MDGA2: variants seen among roughly 807,000 people sequenced by gnomAD.
MDGA2 encodes the protein MAM domain-containing glycosylphosphatidylinositol anchor protein 2.
In MDGA2, 40 loss-of-function variants were observed where a neutral mutation model predicts 117.8. The observed-to-expected ratio is 0.34, with a 90% confidence interval of 0.26 to 0.44. The LOEUF (loss-of-function observed/expected upper bound fraction) is 0.44. MDGA2 is among the 20% of genes least tolerant of loss of function. The pLI is 1.00. For missense variants in MDGA2, 1,123 were observed against 1,250.6 expected (o/e 0.90, Z 1.54); for synonymous variants, 452 against 439.0 (o/e 1.03, Z -0.37).
At chr14:47,191,335 T>C (rs55928353) in intron 3 of MDGA2, among the ~76,000 whole-genome samples, 9,570 of 150,688 alleles carry the variant, frequency 0.064, 363 homozygotes, top group Non-Finnish European at 0.066. Context: ...TTTTCTTTCA[T>C]TTTAAGAAAG....
chr14:47,236,310 A>C (rs991983687), intron 2 of MDGA2, among the ~76,000 whole-genome samples: 30 of 151,480 alleles, frequency 2.0e-4, no homozygotes, highest in Non-Finnish European at 2.8e-4. Flanking sequence ...AAAAAAAAAA[A>C]AAACAACACT....
chr14:46,864,047 C>A (rs1383092496), intron 14 of MDGA2, among the ~76,000 whole-genome samples: 1 of 151,206 alleles, frequency 6.6e-6, no homozygotes, highest in East Asian at 2.0e-4. Context: ...GTATATCTCC[C>A]GATGCTATCC....
At chr14:47,363,973 G>C (rs1891179257) in intron 1 of MDGA2, among the ~76,000 whole-genome samples, 1 of 152,116 alleles carries the variant, frequency 6.6e-6, no homozygotes, top group Admixed American at 6.5e-5. Flanking sequence ...GTTCATAAAT[G>C]TATAGATAGT....
intron 7 of MDGA2, among the ~76,000 whole-genome samples, chr14:47,049,632 A>G (rs1889385194): frequency 6.6e-6 from 1 of 151,940 alleles, no homozygotes; most frequent in South Asian, 2.1e-4. Context: ...CTGGGGTAGG[A>G]ATGATCCTGT....
At chr14:47,524,671 T>C (rs1234875875) in intron 1 of MDGA2, among the ~76,000 whole-genome samples, 1 of 152,204 alleles carries the variant, frequency 6.6e-6, no homozygotes, top group Admixed American at 6.5e-5. Flanking sequence ...TCTTCTCTCG[T>C]ACTAAGTTAC....
chr14:47,076,194 C>A (rs796411410), intron 6 of MDGA2, among the ~76,000 whole-genome samples: 2 of 151,842 alleles, frequency 1.3e-5, no homozygotes, highest in African/African-American at 4.8e-5. Flanking sequence ...GAAACTTGTA[C>A]AATATTTTTT....
intron 3 of MDGA2, among the ~76,000 whole-genome samples, chr14:47,186,715 G>C (rs541215780): frequency 3.6e-4 from 54 of 152,048 alleles, no homozygotes; most frequent in Non-Finnish European, 6.8e-4. Context: ...TTAAACACCA[G>C]TTGACTTTTA....
intron 1 of MDGA2, among the ~76,000 whole-genome samples, chr14:47,373,044 T>C (rs942544568): frequency 3.9e-5 from 6 of 152,170 alleles, no homozygotes; most frequent in South Asian, 4.1e-4. Flanking sequence ...GTGTATATGA[T>C]ACATTTTGCA....
intron 14 of MDGA2, among the ~76,000 whole-genome samples, chr14:46,865,125 G>C (rs1456471059): frequency 6.6e-6 from 1 of 151,966 alleles, no homozygotes; most frequent in Non-Finnish European, 1.5e-5. Context: ...TACAGTCTTT[G>C]ACCAAAATGA....
intron 1 of MDGA2, among the ~76,000 whole-genome samples, chr14:47,433,146 G>T (rs1402593077): frequency 6.6e-6 from 1 of 151,918 alleles, no homozygotes; most frequent in African/African-American, 2.4e-5. Flanking sequence ...GTGTTTGAGG[G>T]GAAATATTAA....
intron 2 of MDGA2, among the ~76,000 whole-genome samples, chr14:47,286,968 C>T (rs1387529136): frequency 2.6e-5 from 4 of 151,476 alleles, no homozygotes; most frequent in South Asian, 2.1e-4. Context: ...TATAATTCTA[C>T]GATAATCATT....
intron 5 of MDGA2, among the ~76,000 whole-genome samples, chr14:47,101,328 A>C (rs1416032569): frequency 6.6e-6 from 1 of 152,188 alleles, no homozygotes; most frequent in East Asian, 1.9e-4. Context: ...TATCTTTGAG[A>C]AAAAGGAATT....
chr14:46,890,795 AC>A (rs1401823961), intron 10 of MDGA2, among the ~76,000 whole-genome samples: 3 of 152,136 alleles, frequency 2.0e-5, no homozygotes, highest in East Asian at 1.9e-4. Flanking sequence ...TTTAGTGACA[AC>A]CAAGGGAAAT....
chr14:46,960,444 G>A (rs1303321407), intron 8 of MDGA2: 1 of 151,590 alleles, frequency 6.6e-6, no homozygotes, highest in East Asian at 1.9e-4. Flanking sequence ...TAGTTTGTGG[G>A]CTGGGAAACC....
chr14:46,909,891 C>A (rs747245642), intron 10 of MDGA2, among the ~76,000 whole-genome samples: 1 of 152,014 alleles, frequency 6.6e-6, no homozygotes, highest in Non-Finnish European at 1.5e-5. Flanking sequence ...ATCTGTAGAA[C>A]ACAAAACAAA....
At chr14:47,629,365 A>G (rs1425400885) in intron 1 of MDGA2, among the ~76,000 whole-genome samples, 1 of 152,186 alleles carries the variant, frequency 6.6e-6, no homozygotes, top group Non-Finnish European at 1.5e-5. Flanking sequence ...AAATTTATTA[A>G]CTATTATGGT....
At position 47,565,374 on chromosome 14, in the gene MDGA2, G is replaced by A. The variant is rs187722666; in HGVS notation, c.280+109143C>T. Among the ~76,000 whole-genome samples the A allele has an allele frequency of 8.3e-4, 126 of 152,262 alleles. 2 individuals carry two copies. In the East Asian group the frequency reaches 0.022, roughly 26 times the overall value. ...TGGCATAAGGTAGGTCCAGTTGACT[G>A]GCTTTGTTTCTTGTAGGTTTTTGAG... On this transcript the variant is annotated intron_variant, in intron 1 of 16. Coordinates refer to ENST00000399232, the MANE Select transcript of MDGA2 (RefSeq NM_001113498.3).
intron 3 of MDGA2, among the ~76,000 whole-genome samples, chr14:47,174,591 T>C (rs1884347032): frequency 6.6e-6 from 1 of 152,162 alleles, no homozygotes; most frequent in South Asian, 2.1e-4. Flanking sequence ...AGATGTTCTT[T>C]GAAACAAATA....
chr14:47,080,663 T>C (rs1203554201), intron 6 of MDGA2, among the ~76,000 whole-genome samples: 1 of 152,188 alleles, frequency 6.6e-6, no homozygotes, highest in Non-Finnish European at 1.5e-5. Flanking sequence ...TAAGTATAAA[T>C]GCCCAAAGTG....
Sources: allele counts gnomAD v4.1 joint callset (sites outside exome capture counted in the v4.1 genomes callset), GRCh38; gene constraint gnomAD v4.1.1; transcripts MANE v1.5; gene names NCBI Gene and HGNC (gene_info 2026-07-23, HGNC 2026-07-21).